Variants in MCHR2 observed in about 807,000 individuals in gnomAD.
MCHR2 encodes the protein melanin-concentrating hormone receptor 2.
MCHR2 carries 15 observed loss-of-function variants against 24.8 expected under a neutral mutation model. The observed-to-expected ratio is 0.60, with a 90% confidence interval of 0.40 to 0.93. The LOEUF (loss-of-function observed/expected upper bound fraction) is 0.93, where lower values mean the gene tolerates loss of function less well. MCHR2 is among the 40% of genes least tolerant of loss of function. MCHR2 has a pLI of 0.00. For synonymous variants in MCHR2, 151 were observed against 147.6 expected (o/e 1.02, Z -0.17); for missense variants, 386 against 408.7 (o/e 0.94, Z 0.48).
intron 1 of MCHR2, among the ~76,000 whole-genome samples, chr6:99,978,881 T>C (rs1274018627): frequency 6.6e-6 from 1 of 152,140 alleles, no homozygotes; most frequent in African/African-American, 2.4e-5. Flanking sequence ...AATTAGATGG[T>C]CCTGTTCTGA....
chr6:99,984,874 A>G (rs976590711), intron 1 of MCHR2, among the ~76,000 whole-genome samples: 19 of 152,242 alleles, frequency 1.2e-4, no homozygotes, highest in African/African-American at 4.6e-4. Flanking sequence ...ATCAGAAAAA[A>G]GTAAGTCGAA....
chr6:99,975,670 C>G (rs1775535443), intron 1 of MCHR2, among the ~76,000 whole-genome samples: 1 of 152,242 alleles, frequency 6.6e-6, no homozygotes, highest in Non-Finnish European at 1.5e-5. Context: ...GTCGCTCACG[C>G]TGGGAGCTGT....
chr6:99,927,239 C>T (rs2114490351), intron 5 of MCHR2, among the ~76,000 whole-genome samples: 1 of 152,246 alleles, frequency 6.6e-6, no homozygotes, highest in Non-Finnish European at 1.5e-5. Context: ...GTTACTGCAG[C>T]CTTGTAGTAT....
At chr6:99,949,919 T>A (rs201968479) in intron 2 of MCHR2, among the ~76,000 whole-genome samples, 6 of 146,324 alleles carry the variant, frequency 4.1e-5, no homozygotes, top group East Asian at 2.0e-4. Flanking sequence ...AGCTCCAAAC[T>A]AAAAAAAAAA....
chr6:99,976,619 G>A (rs149351668), intron 1 of MCHR2, among the ~76,000 whole-genome samples: 267 of 149,994 alleles, frequency 1.8e-3, no homozygotes, highest in Middle Eastern at 6.8e-3. Flanking sequence ...TACTTTCGTG[G>A]AGCACCACCT....
intron 1 of MCHR2, among the ~76,000 whole-genome samples, chr6:99,961,422 G>A (rs964317223): frequency 6.6e-6 from 1 of 152,106 alleles, no homozygotes; most frequent in Non-Finnish European, 1.5e-5. Context: ...GTTTACTGAG[G>A]CACTGTTCAC....
intron 1 of MCHR2, among the ~76,000 whole-genome samples, chr6:99,965,365 C>T (rs1775277256): frequency 6.6e-6 from 1 of 152,164 alleles, no homozygotes; most frequent in East Asian, 1.9e-4. Context: ...AAATTTAATG[C>T]CAAAGTGTTT....
chr6:99,974,139 A>G (rs1444824204), intron 1 of MCHR2, among the ~76,000 whole-genome samples: 1 of 152,146 alleles, frequency 6.6e-6, no homozygotes, highest in Non-Finnish European at 1.5e-5. Context: ...CTCCTGGATA[A>G]TATCCTGCAG....
intron 4 of MCHR2, among the ~76,000 whole-genome samples, chr6:99,941,539 G>A (rs1405526991): frequency 6.6e-6 from 1 of 152,052 alleles, no homozygotes; most frequent in Non-Finnish European, 1.5e-5. Flanking sequence ...GAGGAAGTAG[G>A]GTCTTTGGGA....
At chr6:99,974,055 G>A (rs1474398853) in intron 1 of MCHR2, among the ~76,000 whole-genome samples, 4 of 152,122 alleles carry the variant, frequency 2.6e-5, no homozygotes, top group South Asian at 2.1e-4. Flanking sequence ...TGCTCTTCTC[G>A]AGGAGTATCT....
intron 4 of MCHR2, among the ~76,000 whole-genome samples, chr6:99,939,437 GA>G (rs953476732): frequency 9.2e-5 from 14 of 151,880 alleles, no homozygotes; most frequent in African/African-American, 3.4e-4. Context: ...TTACATCAAA[GA>G]AAAAAGTGGA....
chr6:99,976,663 T>C (rs1775558481), intron 1 of MCHR2, among the ~76,000 whole-genome samples: 1 of 9,262 alleles, frequency 1.1e-4, no homozygotes, highest in African/African-American at 2.0e-4. Flanking sequence ...AGCTACCTCA[T>C]GTTTGCCAAT....
chr6:99,936,877 G>A (rs1208202584), intron 4 of MCHR2, among the ~76,000 whole-genome samples: 1 of 151,466 alleles, frequency 6.6e-6, no homozygotes, highest in Admixed American at 6.6e-5. Flanking sequence ...ATGTACGTGT[G>A]TATTTTTTTA....
chr6:99,992,434 A>C (rs1265612954), intron 1 of MCHR2, among the ~76,000 whole-genome samples: 1 of 152,216 alleles, frequency 6.6e-6, no homozygotes, highest in Non-Finnish European at 1.5e-5. Flanking sequence ...TGGACTTAGC[A>C]GTATACACAA....
rs901778427 is a variant in MCHR2 at position 99,970,922 on chromosome 6, T to C, written c.-27-14748A>G. On this transcript the variant is annotated intron_variant, in intron 1 of 5. Transcript: ENST00000281806. The stretch of plus-strand genomic sequence containing the variant: ...CTCTGTTCTGTTCCATTGATCTATA[T>C]CTCTGTTTTGGTACCAGTACCATGC... 4.3e-4 allele frequency among the ~76,000 whole-genome samples: 66 copies of C among 152,164 alleles called. 1 individual carries two copies. The highest frequency in any genetic ancestry group is 1.4e-3 in the South Asian group (7 of 4,832).
chr6:99,930,568 T>TC (rs1346373926), intron 5 of MCHR2, among the ~76,000 whole-genome samples: 1 of 149,526 alleles, frequency 6.7e-6, no homozygotes, highest in Non-Finnish European at 1.5e-5. Flanking sequence ...AAACTTCCCT[T>TC]TTGCTTCATT....
chr6:99,988,365 C>T (rs1268303505), intron 1 of MCHR2, among the ~76,000 whole-genome samples: 5 of 152,164 alleles, frequency 3.3e-5, no homozygotes, highest in Non-Finnish European at 7.3e-5. Context: ...GCAGCTAGTC[C>T]TCATCCTCAT....
intron 1 of MCHR2, among the ~76,000 whole-genome samples, chr6:99,979,851 G>A (rs1190432949): frequency 6.6e-6 from 1 of 152,150 alleles, no homozygotes; most frequent in Non-Finnish European, 1.5e-5. Flanking sequence ...TCCACGAGGA[G>A]GGATCTTTAA....
chr6:99,947,993 G>A, intron 2 of MCHR2, 22 bp from the exon 3 acceptor site: 1 of 1,597,552 alleles, frequency 6.3e-7, no homozygotes, highest in Non-Finnish European at 8.6e-7. Context: ...AGAGGAAACT[G>A]AGGATTGACA....
Sources: allele counts gnomAD v4.1 joint callset (sites outside exome capture counted in the v4.1 genomes callset), GRCh38; gene constraint gnomAD v4.1.1; transcripts MANE v1.5; gene names NCBI Gene and HGNC (gene_info 2026-07-23, HGNC 2026-07-21).